MCPH1: variants seen among roughly 807,000 people sequenced by gnomAD.
MCPH1 encodes the protein microcephalin 1.
In MCPH1, 104 loss-of-function variants were observed where a neutral mutation model predicts 84.5. That is an observed-to-expected ratio of 1.23 (90% CI 1.05 to 1.45). The LOEUF (loss-of-function observed/expected upper bound fraction) is 1.45, where lower values mean the gene tolerates loss of function less well. Among genes scored for constraint, MCPH1 ranks in the 40% most tolerant of loss-of-function variants. The pLI, the probability that MCPH1 is intolerant of heterozygous loss-of-function variation, is 0.00. For missense variants in MCPH1, 1,498 were observed against 1,005.7 expected (o/e 1.49, Z -6.62); for synonymous variants, 514 against 366.8 (o/e 1.40, Z -4.58).
intron 2 of MCPH1, among the ~76,000 whole-genome samples, chr8:6,410,136 AT>A (rs1213946380): frequency 2.2e-4 from 32 of 147,020 alleles, no homozygotes; most frequent in South Asian, 4.3e-4. Flanking sequence ...TGCCTAGCTA[AT>A]TTTTTTTTTT....
intron 12 of MCPH1, among the ~76,000 whole-genome samples, chr8:6,517,391 C>T (rs1472216114): frequency 2.0e-5 from 3 of 152,118 alleles, no homozygotes; most frequent in Non-Finnish European, 1.5e-5. Context: ...GTCAGGTGTC[C>T]TGTGAAATTT....
intron 9 of MCPH1, among the ~76,000 whole-genome samples, chr8:6,471,841 C>G (rs1268784416): frequency 6.6e-6 from 1 of 152,224 alleles, no homozygotes; most frequent in Non-Finnish European, 1.5e-5. Flanking sequence ...GTAAGTCACT[C>G]TGGCCTATAG....
At chr8:6,626,932 C>T (rs1796763699) in intron 13 of MCPH1, 2 of 983,930 alleles carry the variant, frequency 2.0e-6, no homozygotes, top group Non-Finnish European at 2.4e-6. Context: ...AGTGATAAGA[C>T]ATACATTTAT....
At chr8:6,536,313 C>CA (rs1820488895) in intron 12 of MCPH1, among the ~76,000 whole-genome samples, 1 of 152,160 alleles carries the variant, frequency 6.6e-6, no homozygotes, top group African/African-American at 2.4e-5. Context: ...CGCCTCACAT[C>CA]AGCACAGGTG....
At chr8:6,519,738 C>T (rs1034493660) in intron 12 of MCPH1, 2 of 1,200,818 alleles carry the variant, frequency 1.7e-6, no homozygotes, top group African/African-American at 1.5e-5. Flanking sequence ...TGCCCAGTAA[C>T]TATGGCTTTG....
At chr8:6,446,700 T>C in intron 8 of MCPH1, 1 of 985,246 alleles carries the variant, frequency 1.0e-6, no homozygotes, top group Non-Finnish European at 1.2e-6. Context: ...AGGTTTACAT[T>C]CTCCATCTTT....
At chr8:6,600,486 C>G (rs189806844) in intron 12 of MCPH1, among the ~76,000 whole-genome samples, 123 of 152,358 alleles carry the variant, frequency 8.1e-4, no homozygotes, top group Non-Finnish European at 1.4e-3. Flanking sequence ...TGGGGCGGCA[C>G]TGGCCACCCT....
At chr8:6,517,713 A>G (rs867839625) in intron 12 of MCPH1, among the ~76,000 whole-genome samples, 1 of 152,170 alleles carries the variant, frequency 6.6e-6, no homozygotes, top group Non-Finnish European at 1.5e-5. Flanking sequence ...GGCTGAGGGT[A>G]TCATTGTTCT....
At chr8:6,481,891 A>G (rs1809292216) in intron 11 of MCPH1, among the ~76,000 whole-genome samples, 1 of 152,338 alleles carries the variant, frequency 6.6e-6, no homozygotes, top group East Asian at 1.9e-4. Flanking sequence ...TTCAGGTACC[A>G]TGGTCTGAAA....
Position 6,445,074 on chromosome 8 carries a change from A to C in MCPH1, c.1352A>C (p.Glu451Ala). The change falls in exon 8 of 14, where the codon GAG becomes GCG. Residue 451 changes from glutamate to alanine, a missense_variant. By Grantham distance (107) the Glu-to-Ala change is moderately radical. Transcript: ENST00000344683. ...QLSCRSLSKKERTSIFEMSDF... is the reference protein window; with the variant it reads ...QLSCRSLSKKARTSIFEMSDF... ...AGCTGCAGAAGTCTTTCTAAGAAGG[A>C]GAGAACAAGCATATTTGAAATGTCT... The C allele has an allele frequency of 6.2e-7, 1 of 1,614,260 alleles. No homozygotes were observed. The highest frequency in any genetic ancestry group is 1.1e-5 in the South Asian group (1 of 91,086).
At chr8:6,473,649 T>C (rs1808057793) in intron 9 of MCPH1, among the ~76,000 whole-genome samples, 1 of 152,174 alleles carries the variant, frequency 6.6e-6, no homozygotes, top group African/African-American at 2.4e-5. Flanking sequence ...TCCTTAACAA[T>C]GCTATATTTG....
intron 12 of MCPH1, among the ~76,000 whole-genome samples, chr8:6,594,201 C>T (rs1024159068): frequency 4.1e-4 from 62 of 152,202 alleles, no homozygotes; most frequent in African/African-American, 1.4e-3. Context: ...CAGGTCATAC[C>T]CAAACAGGAG....
At chr8:6,548,929 A>C (rs1462537059) in intron 12 of MCPH1, among the ~76,000 whole-genome samples, 2 of 152,174 alleles carry the variant, frequency 1.3e-5, no homozygotes, top group Non-Finnish European at 2.9e-5. Context: ...CCTCCTTGTT[A>C]ACCTCTGGTT....
At chr8:6,564,404 G>A (rs554856964) in intron 12 of MCPH1, among the ~76,000 whole-genome samples, 2 of 152,170 alleles carry the variant, frequency 1.3e-5, no homozygotes, top group Admixed American at 1.3e-4. Context: ...AAGCTCTAAT[G>A]TCCTCATCTG....
chr8:6,466,024 G>C (rs970039984), intron 9 of MCPH1, among the ~76,000 whole-genome samples: 8 of 151,410 alleles, frequency 5.3e-5, no homozygotes, highest in African/African-American at 1.9e-4. Context: ...GCGCTATCTT[G>C]GCTCACTGCA....
At chr8:6,447,273 C>T in intron 8 of MCPH1, 2 of 985,376 alleles carry the variant, frequency 2.0e-6, no homozygotes, top group Non-Finnish European at 2.4e-6. Context: ...GAAGATGAAA[C>T]CATAAAGCCT....
At chr8:6,590,085 G>C (rs1188624820) in intron 12 of MCPH1, among the ~76,000 whole-genome samples, 2 of 152,086 alleles carry the variant, frequency 1.3e-5, no homozygotes, top group African/African-American at 2.4e-5. Context: ...GCAAAAAGTG[G>C]GGGAGTGAGG....
At chr8:6,567,344 C>T (rs118085919) in intron 12 of MCPH1, among the ~76,000 whole-genome samples, 2,399 of 150,848 alleles carry the variant, frequency 0.016, 147 homozygotes, top group Admixed American at 0.12. Flanking sequence ...ATAGTGCACA[C>T]GGTGCGGTGA....
At chr8:6,633,235 T>A (rs1390660249) in intron 13 of MCPH1, among the ~76,000 whole-genome samples, 1 of 152,140 alleles carries the variant, frequency 6.6e-6, no homozygotes, top group African/African-American at 2.4e-5. Context: ...ACAAGAATTA[T>A]ACAGGAAGGG....
Sources: gnomAD v4.1 joint callset for allele counts (sites outside exome capture counted in the v4.1 genomes callset) on GRCh38, gnomAD v4.1.1 for gene constraint, MANE v1.5 for transcripts, NCBI Gene and HGNC (gene_info 2026-07-23, HGNC 2026-07-21) for gene names.